IRX2: variants seen among roughly 807,000 people sequenced by gnomAD.
IRX2 encodes the protein iroquois-class homeodomain protein IRX-2.
IRX2 carries 26 observed loss-of-function variants against 42.9 expected under a neutral mutation model. That is an observed-to-expected ratio of 0.61 (90% confidence interval 0.44 to 0.84). IRX2 has a LOEUF of 0.84. Ranked by LOEUF, IRX2 falls within the 40% of genes least tolerant of loss-of-function variation. IRX2 has a pLI of 0.00. For missense variants in IRX2, 782 were observed against 713.9 expected (o/e 1.10, Z -1.09); for synonymous variants, 424 against 353.9 (o/e 1.20, Z -2.22).
chr5:2,742,984 T>C (rs960028083), downstream of IRX2, among the ~76,000 whole-genome samples: 1 of 152,248 alleles, frequency 6.6e-6, no homozygotes, highest in African/African-American at 2.4e-5. Context: ...GGCTATTTCA[T>C]CTTTGTGTTT....
chr5:2,751,014 G>T lies in IRX2; in HGVS notation c.249+151C>A. 2.1e-6 allele frequency: 2 copies of T among 932,588 alleles called. No homozygotes were observed. The highest frequency in any genetic ancestry group is 2.7e-6 in the Non-Finnish European group (2 of 736,722). 57.8% of individuals were successfully genotyped at this position (932,588 alleles called of 1,614,324 possible). ...CCCCACCCGGGGCCCGGCTCAGCCTGCGGGGCGGCCAACCGAGCCGGCGAC... is the reference window on the plus strand; with the variant it reads ...CCCCACCCGGGGCCCGGCTCAGCCTTCGGGGCGGCCAACCGAGCCGGCGAC... On this transcript the variant is annotated intron_variant, in intron 1 of 3. Transcript: ENST00000302057. This position sits in a 1 kb window ranked among gnomAD's most constrained non-coding sequence, Gnocchi z 4.0.
At chr5:2,737,595 T>A in the IRX2 span, 2,150 of 151,650 alleles carry the variant, frequency 0.014, 34 homozygotes, top group Non-Finnish European at 0.016. Context: ...ATCACAGGAG[T>A]CGATGGTGAG....
intron 1 of IRX2, among the ~76,000 whole-genome samples, chr5:2,750,918 C>T (rs1158153398): frequency 2.0e-5 from 3 of 152,044 alleles, no homozygotes; most frequent in African/African-American, 7.2e-5. Flanking sequence ...AGCCGGCGAG[C>T]CGAGGGGACG....
At chr5:2,744,175 G>T (rs1180716975), downstream of IRX2, among the ~76,000 whole-genome samples, 3 of 151,886 alleles carry the variant, frequency 2.0e-5, no homozygotes, top group African/African-American at 7.3e-5. Flanking sequence ...ATTCCAAAGG[G>T]AGGCGGCTTT....
intron 1 of IRX2, among the ~76,000 whole-genome samples, chr5:2,750,133 G>A (rs1363606050): frequency 6.6e-6 from 1 of 151,990 alleles, no homozygotes; most frequent in Non-Finnish European, 1.5e-5. Context: ...CTAAATTTCT[G>A]CAGATGCTTG....
chr5:2,738,773 G>A, the IRX2 span, among the ~76,000 whole-genome samples: 1 of 152,322 alleles, frequency 6.6e-6, no homozygotes, highest in East Asian at 1.9e-4. Flanking sequence ...CCACCTGCGG[G>A]AGGCCAGGTG....
chr5:2,749,091 A>G (rs768723342), intron 2 of IRX2, 39 bp from the exon 3 acceptor site: 4 of 1,584,368 alleles, frequency 2.5e-6, no homozygotes, highest in Admixed American at 1.7e-5. Flanking sequence ...ACGAGGGGAC[A>G]GCGCAGGCAC....
intron 3 of IRX2, 104 bp from the exon 4 acceptor site, chr5:2,747,720 G>A: frequency 8.5e-7 from 1 of 1,171,268 alleles, no homozygotes; most frequent in South Asian, 1.3e-5. Flanking sequence ...ACAGCAGTTT[G>A]GGAAACCGAC....
intron 3 of IRX2, among the ~76,000 whole-genome samples, chr5:2,748,082 C>G (rs1359680983): frequency 2.6e-5 from 4 of 151,874 alleles, no homozygotes; most frequent in Non-Finnish European, 5.9e-5. Flanking sequence ...CTGGGTTTGC[C>G]GAAACTAAGA....
the IRX2 span, chr5:2,736,853 T>C: frequency 6.6e-6 from 1 of 152,246 alleles, no homozygotes; most frequent in South Asian, 2.1e-4. Context: ...TCCATGCAAA[T>C]CATGCTTTGC....
In IRX2 at chr5:2,749,016, G is replaced by T; in HGVS notation, c.692C>A (p.Ser231Ter). The T allele has an allele frequency of 1.3e-6, 2 of 1,597,220 alleles. No individual in the cohort carries two copies. Among genetic ancestry groups the T allele is most frequent in the Non-Finnish European group, 1.7e-6 (2 of 1,179,294 alleles). Residue 231 changes from serine to a stop codon, truncating the protein, a stop_gained, in exon 3 of 4, where the codon TCG becomes TAG. Coordinates refer to ENST00000302057, the MANE Select transcript of IRX2 (RefSeq NM_033267.5). LOFTEE classifies it high-confidence loss of function. ...SLHVDSLTDHSCSAESDGEKL... is the reference protein window; with the variant it reads ...SLHVDSLTDH ...CTCCCCGTCCGACTCGGCCGAGCAC[G>T]AGTGATCCGTGAGCGAGTCCACGTG...
chr5:2,743,522 G>A (rs1447683964), downstream of IRX2, among the ~76,000 whole-genome samples: 1 of 152,214 alleles, frequency 6.6e-6, no homozygotes, highest in Middle Eastern at 3.4e-3. Context: ...TCCACCACGC[G>A]GGCGCCGGGC....
chr5:2,739,422 A>G, the IRX2 span, among the ~76,000 whole-genome samples: 2 of 152,182 alleles, frequency 1.3e-5, no homozygotes, highest in Admixed American at 6.5e-5. Context: ...GCGCCGACCG[A>G]ACGCTGCCGC....
rs1737710099 is a variant in IRX2, at chr5:2,747,372, G to A, written c.*192C>T. 1.2e-5 allele frequency: 6 copies of A among 503,330 alleles called. No individual in the cohort carries two copies. The highest frequency in any genetic ancestry group is 2.2e-5 in the Non-Finnish European group (6 of 278,194). 31.2% of individuals were successfully genotyped at this position (503,330 alleles called of 1,614,324 possible). Reference sequence around the variant, plus strand: ...AGTGATAGAACTTGTGCCAAAAAGAGGGAATCTATAAAACAGAAAATATAG... The same window carrying A: ...AGTGATAGAACTTGTGCCAAAAAGAAGGAATCTATAAAACAGAAAATATAG... On this transcript the variant is annotated 3_prime_UTR_variant, in exon 4 of 4. Transcript: ENST00000302057.
chr5:2,745,756 G>T (rs550416323), downstream of IRX2: 2 of 152,098 alleles, frequency 1.3e-5, no homozygotes, highest in Admixed American at 6.5e-5. Flanking sequence ...TTGGTGGGGG[G>T]GTGTGGCTCT....
Position 2,748,960 on chromosome 5 carries a change from A to T in IRX2, c.748T>A (p.Cys250Ser). The T allele has an allele frequency of 1.9e-6, 3 of 1,596,806 alleles. No homozygotes were observed. Among genetic ancestry groups the T allele is most frequent in the Non-Finnish European group, 2.5e-6 (3 of 1,179,368 alleles). The change falls in exon 3 of 4, where the codon TGC (cysteine) becomes AGC (serine). Residue 250 changes from cysteine (C) to serine (S), a missense_variant. By Grantham distance (112) the Cys-to-Ser change is moderately radical (BLOSUM62 -1). This residue lies in a region of IRX2 where 520 missense variants were observed against 437.8 expected (regional missense o/e 1.19). Transcript: ENST00000302057. The stretch of plus-strand genomic sequence containing the variant: ...TCCTTGCACTCCGAGCCCGATTCGC[A>T]CAGGGGGTCCCCGGCGCGGCACGGA... ...KLPCRAGDPL[C>S]ESGSECKDKY...
chr5:2,740,055 T>G, the IRX2 span, among the ~76,000 whole-genome samples: 1 of 152,124 alleles, frequency 6.6e-6, no homozygotes, highest in Non-Finnish European at 1.5e-5. Flanking sequence ...CCTGGCTGCA[T>G]TCCCCTATAA....
chr5:2,743,665 C>T (rs1210029699), downstream of IRX2, among the ~76,000 whole-genome samples: 3 of 152,210 alleles, frequency 2.0e-5, no homozygotes, highest in African/African-American at 7.2e-5. Context: ...AAACTTCTAT[C>T]TTGGAGGGCT....
In IRX2 at chr5:2,748,823, C is replaced by T; in HGVS notation, c.885G>A (p.Leu295=). ...GCGCGGCCTCGGGCGGGGGGCTCAG[C>T]AGCGGCGCCTCCAAGCCGGTAAGCG... ...SSPLTGLEAP[L]LSPPPEAAPR... The change falls in exon 3 of 4, where the codon CTG becomes CTA. Residue 295 remains leucine, a synonymous_variant. Coordinates refer to ENST00000302057, the MANE Select transcript of IRX2 (RefSeq NM_033267.5). 6.6e-7 allele frequency: 1 copy of T among 1,526,636 alleles called. No homozygotes were observed. The highest frequency in any genetic ancestry group is 2.6e-5 in the East Asian group (1 of 38,198). 94.6% of individuals were successfully genotyped at this position (1,526,636 alleles called of 1,614,324 possible).
Sources: gnomAD v4.1 joint callset for allele counts (sites outside exome capture counted in the v4.1 genomes callset) on GRCh38, gnomAD v4.1.1 for gene constraint, gnomAD v4.1.1 regional missense constraint, Gnocchi (gnomAD v3.1) non-coding constraint, MANE v1.5 for transcripts, NCBI Gene and HGNC (gene_info 2026-07-23, HGNC 2026-07-21) for gene names.